The following SUPT20H variants were observed in gnomAD, a reference collection of about 807,000 sequenced individuals.
The protein encoded by SUPT20H is SPT20 homolog, SAGA complex component, also known as transcription factor SPT20 homolog.
SUPT20H carries 82 observed loss-of-function variants against 122.8 expected under a neutral mutation model. That is an observed-to-expected ratio of 0.67 (90% CI 0.56 to 0.80). The LOEUF is 0.80. Among genes scored for constraint, SUPT20H ranks in the 30% least tolerant of loss-of-function variants. The pLI, the probability that SUPT20H is intolerant of heterozygous loss-of-function variation, is 0.00. For synonymous variants in SUPT20H, 291 were observed against 313.0 expected (o/e 0.93, Z 0.74); for missense variants, 831 against 921.6 (o/e 0.90, Z 1.27).
intron 19 of SUPT20H, chr13:37,023,108 A>T: frequency 3.2e-6 from 4 of 1,241,206 alleles, no homozygotes; most frequent in Admixed American, 5.3e-5. Flanking sequence ...TACTTAAAGT[A>T]ACAACTGTGT....
chr13:37,046,157 G>T (rs974327598), intron 5 of SUPT20H, among the ~76,000 whole-genome samples: 1 of 151,930 alleles, frequency 6.6e-6, no homozygotes, highest in Non-Finnish European at 1.5e-5. Flanking sequence ...CATACAGAAA[G>T]AAGTGATAAA....
In SUPT20H at chr13:37,047,570, A is replaced by G; in HGVS notation, c.130T>C (p.Tyr44His). 1 of 1,433,174 alleles carries G rather than the reference A, an allele frequency of 7.0e-7. No individual in the cohort carries two copies. Among genetic ancestry groups the G allele is most frequent in the Non-Finnish European group, 9.3e-7 (1 of 1,072,700 alleles). 88.8% of individuals were successfully genotyped at this position (1,433,174 alleles called of 1,614,324 possible). A position where few individuals can be genotyped will look rare whatever the true frequency, so the allele number is the denominator to read the frequency against. ...GGTTCTTTTTCACATTCTTCAATAT[A>G]CAAGTCATAAAGTTTTTGAAATACA... is the stretch of plus-strand genomic sequence containing the variant. ...KSVFQKLYDL[Y>H]IEECEKEPEV... Residue 44 changes from tyrosine (Y) to histidine (H), a missense_variant, in exon 5 of 26, where the codon TAT (tyrosine) becomes CAT (histidine). Physicochemically the swap from Tyr to His is moderately conservative, Grantham distance 83 (BLOSUM62 2). Coordinates refer to ENST00000350612, the MANE Select transcript of SUPT20H (RefSeq NM_001014286.3).
intron 5 of SUPT20H, among the ~76,000 whole-genome samples, chr13:37,046,190 G>C (rs2066391622): frequency 6.6e-6 from 1 of 151,964 alleles, no homozygotes; most frequent in Admixed American, 6.6e-5. Context: ...CATCACCATA[G>C]AATCAAAACA....
intron 1 of SUPT20H, among the ~76,000 whole-genome samples, chr13:37,053,944 C>T (rs534063514): frequency 5.3e-5 from 8 of 152,138 alleles, no homozygotes; most frequent in South Asian, 2.1e-4. Flanking sequence ...ATATAACCAC[C>T]GATCCCACAG....
At chr13:37,015,042 T>TA (rs2060196205) in intron 23 of SUPT20H, among the ~76,000 whole-genome samples, 1 of 151,864 alleles carries the variant, frequency 6.6e-6, no homozygotes, top group East Asian at 1.9e-4. Flanking sequence ...AAAGGAGACC[T>TA]AAAACTAGAG....
chr13:37,031,658 A>G (rs751183742), intron 11 of SUPT20H, 35 bp from the exon 12 acceptor site: 13 of 1,542,576 alleles, frequency 8.4e-6, no homozygotes, highest in Non-Finnish European at 1.1e-5. Flanking sequence ...GAAAAATTAA[A>G]AACAATATAA....
chr13:37,027,015 T>C (rs1197511234), intron 14 of SUPT20H, among the ~76,000 whole-genome samples, 199 bp from the exon 15 acceptor site: 1 of 152,120 alleles, frequency 6.6e-6, no homozygotes, highest in Non-Finnish European at 1.5e-5. Context: ...GACCAATTTT[T>C]TCACAAAAGA....
chr13:37,014,702 C>T (rs897654686), intron 23 of SUPT20H, among the ~76,000 whole-genome samples: 3 of 152,092 alleles, frequency 2.0e-5, no homozygotes, highest in Non-Finnish European at 4.4e-5. Context: ...TTAAGCAGTA[C>T]TGAGAAGGAA....
chr13:37,055,748 A>G (rs1243510394), intron 1 of SUPT20H, among the ~76,000 whole-genome samples: 1 of 152,244 alleles, frequency 6.6e-6, no homozygotes, highest in African/African-American at 2.4e-5. Flanking sequence ...AATAGCAACA[A>G]AAGCCAAAAT....
At chr13:37,050,590 A>G (rs922285843) in intron 2 of SUPT20H, among the ~76,000 whole-genome samples, 9 of 152,236 alleles carry the variant, frequency 5.9e-5, no homozygotes, top group Non-Finnish European at 1.3e-4. Context: ...GGACAATTTT[A>G]AACAGCCAGT....
intron 5 of SUPT20H, chr13:37,046,847 ATTT>A (rs1481774816): frequency 6.6e-6 from 1 of 152,262 alleles, no homozygotes; most frequent in South Asian, 2.1e-4. Context: ...TTTAAAAATA[ATTT>A]TTTTCCTAAT....
At chr13:37,055,812 C>T (rs1297359437) in intron 1 of SUPT20H, among the ~76,000 whole-genome samples, 2 of 152,100 alleles carry the variant, frequency 1.3e-5, no homozygotes, top group Non-Finnish European at 2.9e-5. Flanking sequence ...AAAGAAACTA[C>T]CATCAGAGTG....
chr13:37,018,026 AG>A (rs2060820124), intron 22 of SUPT20H, among the ~76,000 whole-genome samples: 1 of 152,160 alleles, frequency 6.6e-6, no homozygotes, highest in Non-Finnish European at 1.5e-5. Flanking sequence ...TTTAAGCTAT[AG>A]GGGTTTATAT....
Position 37,022,859 on chromosome 13 carries a change from T to C in SUPT20H, c.1592-779A>G. On this transcript the variant is annotated intron_variant, in intron 19 of 25. Transcript: ENST00000350612. The surrounding 1 kb of genome is among the most constrained non-coding windows in gnomAD (Gnocchi z 4.5). ...AAAAAACAGTAATAAAGCAAATATC[T>C]GAGAGATAATACTGCATCTTTAACA... 9.3e-7 allele frequency: 1 copy of C among 1,072,662 alleles called. No homozygotes were observed. The highest frequency in any genetic ancestry group is 1.1e-6 in the Non-Finnish European group (1 of 873,336). 66.4% of individuals were successfully genotyped at this position (1,072,662 alleles called of 1,614,324 possible).
At chr13:37,035,403 T>A (rs1349655752) in intron 9 of SUPT20H, among the ~76,000 whole-genome samples, 1 of 152,096 alleles carries the variant, frequency 6.6e-6, no homozygotes, top group African/African-American at 2.4e-5. Flanking sequence ...TCACTGCAGA[T>A]GTGGTGATAG....
At position 37,021,619 on chromosome 13, in the gene SUPT20H, C is replaced by A. The variant is rs1157486928; in HGVS notation, c.1662-17G>T. On this transcript the variant is annotated splice_polypyrimidine_tract_variant and intron_variant, in intron 20 of 25. Coordinates refer to ENST00000350612, the MANE Select transcript of SUPT20H (RefSeq NM_001014286.3). ...TGGGCCCCACTGCAGGAGAATAAGA[C>A]AAAGCATTAAACTTCACTGTAAAAG... The A allele has an allele frequency of 1.9e-6, 3 of 1,599,618 alleles. No individual in the cohort carries two copies. Among genetic ancestry groups the A allele is most frequent in the Middle Eastern group, 1.9e-4 (1 of 5,274 alleles).
At chr13:37,019,501 G>T in intron 21 of SUPT20H, 104 bp from the exon 22 acceptor site, 1 of 642,052 alleles carries the variant, frequency 1.6e-6, no homozygotes, top group Non-Finnish European at 2.4e-6. Flanking sequence ...TGTATTCTCT[G>T]CATAGATGTG....
At chr13:37,043,393 T>A (rs1039467756) in intron 7 of SUPT20H, among the ~76,000 whole-genome samples, 18 of 151,948 alleles carry the variant, frequency 1.2e-4, no homozygotes, top group African/African-American at 4.1e-4. Flanking sequence ...AGGGAGTGCT[T>A]ACCTAGGCAA....
At chr13:37,051,396 T>C in intron 2 of SUPT20H, 92 bp downstream of exon 2, 1 of 1,343,296 alleles carries the variant, frequency 7.4e-7, no homozygotes. Context: ...CTTACAAGAG[T>C]ATTTCTATAT....
Sources: gnomAD v4.1 joint callset for allele counts (sites outside exome capture counted in the v4.1 genomes callset) on GRCh38, gnomAD v4.1.1 for gene constraint, Gnocchi (gnomAD v3.1) non-coding constraint, MANE v1.5 for transcripts, NCBI Gene and HGNC (gene_info 2026-07-23, HGNC 2026-07-21) for gene names.